The following PCDHA6 variants were observed in gnomAD, a reference collection of about 807,000 sequenced individuals.
The protein encoded by PCDHA6 is protocadherin alpha 6, also known as protocadherin alpha-6.
In PCDHA6, 55 loss-of-function variants were observed where a neutral mutation model predicts 60.3. That is an observed-to-expected ratio of 0.91 (90% CI 0.73 to 1.14). The LOEUF (loss-of-function observed/expected upper bound fraction) is 1.14. Ranked by LOEUF, PCDHA6 falls within the 50% of genes most tolerant of loss-of-function variation. PCDHA6 has a pLI of 0.00. For synonymous variants in PCDHA6, 652 were observed against 557.9 expected (o/e 1.17, Z -2.38); for missense variants, 1,327 against 1,256.5 (o/e 1.06, Z -0.85).
intron 1 of PCDHA6, among the ~76,000 whole-genome samples, chr5:140,890,167 A>G (rs1423577741): frequency 6.6e-6 from 1 of 152,174 alleles, no homozygotes; most frequent in East Asian, 1.9e-4. Context: ...CTGCCACAGA[A>G]ATAGGCAAAT....
rs533097473 is a variant in PCDHA6 at position 140,902,214 on chromosome 5, T to C, written c.2394+71729T>C. ...CTCTCTCTCTCTTTCTTTTTTTTTT[T>C]TTTTTTTGAGATGAGGACTTGCTTT... On this transcript the variant is annotated intron_variant, in intron 1 of 3. Coordinates refer to ENST00000529310, the MANE Select transcript of PCDHA6 (RefSeq NM_018909.4). Among the ~76,000 whole-genome samples the C allele has an allele frequency of 1.3e-3, 198 of 150,584 alleles. 6 individuals are homozygous for C. The South Asian group carries it at 0.04, about 30-fold the overall frequency.
intron 1 of PCDHA6, among the ~76,000 whole-genome samples, chr5:140,947,922 C>T (rs2094193763): frequency 6.6e-6 from 1 of 151,450 alleles, no homozygotes; most frequent in Admixed American, 6.6e-5. Context: ...TTGCCTTAAC[C>T]CTGATCTTAT....
rs892297422 is a variant in PCDHA6, at chr5:140,851,955, G to T, written c.2394+21470G>T. The T allele has an allele frequency of 3.1e-6, 3 of 975,116 alleles. 1 individual carries two copies. Among genetic ancestry groups the T allele is most frequent in the Non-Finnish European group, 3.7e-6 (3 of 807,888 alleles). The allele number at this position is 975,116 out of a possible 1,614,324, so 60.4% of individuals were successfully genotyped here. A position where few individuals can be genotyped will look rare whatever the true frequency, so the allele number is the denominator to read the frequency against. On this transcript the variant is annotated intron_variant, in intron 1 of 3. Transcript: ENST00000529310. Reference sequence around the variant, plus strand: ...ATTGTAGTATGTGACTTTCAAAATGGTGGTTTTCCACACTCTACCTTTAGT... The same window carrying T: ...ATTGTAGTATGTGACTTTCAAAATGTTGGTTTTCCACACTCTACCTTTAGT...
At chr5:140,915,503 G>T (rs1420993234) in intron 1 of PCDHA6, among the ~76,000 whole-genome samples, 1 of 152,062 alleles carries the variant, frequency 6.6e-6, no homozygotes, top group Non-Finnish European at 1.5e-5. Flanking sequence ...TAATACTGTG[G>T]TTTTTGCAGA....
chr5:140,934,555 CT>C (rs1355336850), intron 1 of PCDHA6, among the ~76,000 whole-genome samples: 2 of 151,972 alleles, frequency 1.3e-5, no homozygotes, highest in African/African-American at 2.4e-5. Context: ...ATCATTTCTT[CT>C]TTTTTTTAAT....
intron 3 of PCDHA6, among the ~76,000 whole-genome samples, chr5:141,002,270 G>T (rs1304168184): frequency 6.6e-6 from 1 of 152,172 alleles, no homozygotes; most frequent in Non-Finnish European, 1.5e-5. Context: ...CCCAGAGCTG[G>T]TAACAAAGGG....
At position 140,850,378 on chromosome 5, in the gene PCDHA6, C is replaced by T. The variant is rs1365314674; in HGVS notation, c.2394+19893C>T. On this transcript the variant is annotated intron_variant, in intron 1 of 3. Coordinates refer to ENST00000529310, the MANE Select transcript of PCDHA6 (RefSeq NM_018909.4). ...ATCCCGTTCCGCGTGGGGCTGTACA[C>T]GGGCGAGATCAGCACAACGCGTGCC... 6 of 1,597,842 alleles carry T rather than the reference C, an allele frequency of 3.8e-6. 1 individual carries two copies. Among genetic ancestry groups the T allele is most frequent in the Non-Finnish European group, 5.1e-6 (6 of 1,167,692 alleles).
At chr5:141,005,130 T>C (rs2153983471) in intron 3 of PCDHA6, among the ~76,000 whole-genome samples, 1 of 152,358 alleles carries the variant, frequency 6.6e-6, no homozygotes, top group South Asian at 2.1e-4. Flanking sequence ...CAAAAGTGCC[T>C]CATTGGAGAG....
At chr5:140,978,462 G>T (rs939639463) in intron 1 of PCDHA6, among the ~76,000 whole-genome samples, 3 of 152,222 alleles carry the variant, frequency 2.0e-5, no homozygotes, top group Admixed American at 1.3e-4. Flanking sequence ...TCCGCCCTGG[G>T]TCAAATATGC....
chr5:140,847,275 C>T (rs1232934318), intron 1 of PCDHA6, among the ~76,000 whole-genome samples: 1 of 149,636 alleles, frequency 6.7e-6, no homozygotes, highest in Non-Finnish European at 1.5e-5. Flanking sequence ...GAAGGTTGAA[C>T]GGGAAGACAA....
chr5:140,852,883 G>GT, intron 1 of PCDHA6: 1 of 933,168 alleles, frequency 1.1e-6, no homozygotes, highest in Non-Finnish European at 1.3e-6. Context: ...ATCATAAAAC[G>GT]TATTTTTTTT....
intron 3 of PCDHA6, among the ~76,000 whole-genome samples, chr5:140,989,866 T>G (rs2097364293): frequency 6.6e-6 from 1 of 152,012 alleles, no homozygotes; most frequent in South Asian, 2.1e-4. Flanking sequence ...GGAATCTTTC[T>G]CTGCCTCAGC....
chr5:140,906,486 A>C (rs2072686991), intron 1 of PCDHA6, among the ~76,000 whole-genome samples: 1 of 152,270 alleles, frequency 6.6e-6, no homozygotes, highest in East Asian at 1.9e-4. Context: ...GTATAAATGC[A>C]CAAACATGTT....
rs2150530926 is a variant in PCDHA6 at position 140,853,336 on chromosome 5, A to G, written c.2394+22851A>G. The G allele has an allele frequency of 4.1e-5, 40 of 984,520 alleles. 4 individuals carry two copies. The highest frequency in any genetic ancestry group is 4.9e-5 in the Non-Finnish European group (40 of 817,056). 61.0% of individuals were successfully genotyped at this position (984,520 alleles called of 1,614,324 possible). A position where few individuals can be genotyped will look rare whatever the true frequency, so the allele number is the denominator to read the frequency against. On this transcript the variant is annotated intron_variant, in intron 1 of 3. Transcript: ENST00000529310. ...AGTAATAAATTTATCTTTTGAGGTC[A>G]TTAGCAAACATGAACTCACAGGGAT...
At chr5:140,979,900 T>A (rs1554241214) in intron 2 of PCDHA6, among the ~76,000 whole-genome samples, 4 of 152,214 alleles carry the variant, frequency 2.6e-5, no homozygotes, top group Admixed American at 6.5e-5. Context: ...CAAACTTAGA[T>A]CAGTTCGTAA....
At chr5:140,882,369 C>T (rs1554173809) in intron 1 of PCDHA6, 1 of 1,614,222 alleles carries the variant, frequency 6.2e-7, no homozygotes, top group South Asian at 1.1e-5. Context: ...CTCCACTACT[C>T]CGTCCCCGAG....
chr5:140,905,880 A>C (rs1485985374), intron 1 of PCDHA6, among the ~76,000 whole-genome samples: 1 of 152,172 alleles, frequency 6.6e-6, no homozygotes, highest in Non-Finnish European at 1.5e-5. Context: ...AGGCCCAACA[A>C]TAGGCCATCT....
chr5:140,974,636 C>T (rs1208653634), intron 1 of PCDHA6, among the ~76,000 whole-genome samples: 2 of 152,054 alleles, frequency 1.3e-5, no homozygotes, highest in African/African-American at 4.8e-5. Flanking sequence ...CTCAACCTCC[C>T]GAGTAGCTGA....
intron 1 of PCDHA6, chr5:140,843,101 G>T (rs1778561024): frequency 1.3e-6 from 2 of 1,595,770 alleles, no homozygotes; most frequent in Non-Finnish European, 1.7e-6. Flanking sequence ...GGTAGCGAAG[G>T]TGCGCGCAGT....
Sources: allele counts gnomAD v4.1 joint callset (sites outside exome capture counted in the v4.1 genomes callset), GRCh38; gene constraint gnomAD v4.1.1; transcripts MANE v1.5; gene names NCBI Gene and HGNC (gene_info 2026-07-23, HGNC 2026-07-21).